NBEA: variants seen among roughly 807,000 people sequenced by gnomAD.
The protein encoded by NBEA is lysosomal-trafficking regulator 2.
Under a neutral mutation model 343.4 loss-of-function variants are expected in NBEA, and 44 were observed. The observed-to-expected ratio is 0.13, with a 90% CI of 0.10 to 0.16. The LOEUF (loss-of-function observed/expected upper bound fraction) is 0.16. Among genes scored for constraint, NBEA ranks in the 10% least tolerant of loss-of-function variants. The pLI is 1.00. For synonymous variants in NBEA, 1,175 were observed against 1,238.7 expected (o/e 0.95, Z 1.08); for missense variants, 2,555 against 3,631.3 (o/e 0.70, Z 7.62).
chr13:35,382,101 G>A (rs1392487647), intron 38 of NBEA, among the ~76,000 whole-genome samples: 1 of 152,096 alleles, frequency 6.6e-6, no homozygotes, highest in African/African-American at 2.4e-5. Flanking sequence ...GTACCTCTGA[G>A]TGATGAATGT....
intron 34 of NBEA, among the ~76,000 whole-genome samples, chr13:35,244,976 A>G (rs1231923473): frequency 6.6e-6 from 1 of 151,994 alleles, no homozygotes; most frequent in Non-Finnish European, 1.5e-5. Flanking sequence ...TGCTGAATTC[A>G]TTTATCAGTT....
At chr13:35,093,315 CAAAAAA>C (rs34323263) in intron 10 of NBEA, among the ~76,000 whole-genome samples, 4 of 141,322 alleles carry the variant, frequency 2.8e-5, no homozygotes, top group Non-Finnish European at 6.2e-5. Context: ...ACTGGTACAC[CAAAAAA>C]AAAAAAAAGA....
At chr13:35,210,277 AGT>A (rs560748566) in intron 32 of NBEA, among the ~76,000 whole-genome samples, 47 of 149,870 alleles carry the variant, frequency 3.1e-4, no homozygotes, top group Middle Eastern at 3.5e-3. Flanking sequence ...ACTTCTTAAA[AGT>A]GTGTGTGTGT....
At chr13:34,960,562 A>G (rs1055419474) in intron 1 of NBEA, among the ~76,000 whole-genome samples, 1 of 152,094 alleles carries the variant, frequency 6.6e-6, no homozygotes, top group Non-Finnish European at 1.5e-5. Flanking sequence ...CATTCATGTT[A>G]AGTGTTCTCT....
intron 34 of NBEA, among the ~76,000 whole-genome samples, chr13:35,280,527 T>C (rs1475373098): frequency 6.6e-6 from 1 of 152,138 alleles, no homozygotes; most frequent in Non-Finnish European, 1.5e-5. Context: ...ATTACATTAA[T>C]AGCATCATTT....
intron 1 of NBEA, among the ~76,000 whole-genome samples, chr13:34,959,997 A>G (rs887936309): frequency 6.7e-6 from 1 of 150,082 alleles, no homozygotes; most frequent in Admixed American, 6.6e-5. Context: ...CTCAAGCTTA[A>G]AAAAAAAGTT....
rs201463728 is a variant in NBEA, at chr13:35,195,932, G to A, written c.4996G>A (p.Val1666Ile). Residue 1666 changes from valine (V) to isoleucine (I), a missense_variant, in exon 31 of 59, where the codon GTA becomes ATA. Physicochemically the swap from Val to Ile is conservative, Grantham distance 29 (BLOSUM62 3). Coordinates refer to ENST00000379939, the MANE Select transcript of NBEA (RefSeq NM_001385012.1). The part of the protein sequence containing the change: ...ETPTPGEDIQ[V>I]ESSIPHTDSG... ...ACCAACTCCTGGTGAAGATATTCAG[G>A]TAGAAAGTTCAATTCCCCATACAGA... 1,783 of 1,613,418 alleles carry A rather than the reference G, an allele frequency of 1.1e-3. 1 individual carries two copies. The highest frequency in any genetic ancestry group is 1.4e-3 in the Non-Finnish European group (1,688 of 1,179,626).
At chr13:35,215,644 T>TA (rs1282564274) in intron 33 of NBEA, among the ~76,000 whole-genome samples, 2 of 151,200 alleles carry the variant, frequency 1.3e-5, no homozygotes, top group African/African-American at 4.9e-5. Flanking sequence ...TCTTGCCACT[T>TA]ACTTTTAGTA....
chr13:35,428,678 A>G (rs1477256440), intron 38 of NBEA, among the ~76,000 whole-genome samples: 1 of 152,080 alleles, frequency 6.6e-6, no homozygotes, highest in Non-Finnish European at 1.5e-5. Flanking sequence ...ATTTTCAATC[A>G]TGGCTCTTTT....
chr13:35,158,406 T>G (rs1009304122), intron 21 of NBEA, among the ~76,000 whole-genome samples: 2 of 152,018 alleles, frequency 1.3e-5, no homozygotes, highest in African/African-American at 4.8e-5. Context: ...TTAACAAATT[T>G]GAAAATAGCA....
At chr13:35,560,321 A>G (rs1244612435) in intron 44 of NBEA, among the ~76,000 whole-genome samples, 1 of 152,206 alleles carries the variant, frequency 6.6e-6, no homozygotes, top group Admixed American at 6.5e-5. Context: ...TTTAAAACCT[A>G]AATAATTAAT....
At chr13:35,109,022 T>A (rs1236782403) in intron 11 of NBEA, among the ~76,000 whole-genome samples, 1 of 152,164 alleles carries the variant, frequency 6.6e-6, no homozygotes, top group African/African-American at 2.4e-5. Flanking sequence ...AACATTTCAT[T>A]TCTTTAGCTA....
At chr13:35,274,252 A>C (rs2034414487) in intron 34 of NBEA, among the ~76,000 whole-genome samples, 1 of 152,246 alleles carries the variant, frequency 6.6e-6, no homozygotes, top group Non-Finnish European at 1.5e-5. Flanking sequence ...AACAGAACCA[A>C]TGACAAAAAC....
At chr13:35,529,763 G>C (rs1031016382) in intron 41 of NBEA, among the ~76,000 whole-genome samples, 1 of 152,072 alleles carries the variant, frequency 6.6e-6, no homozygotes, top group Non-Finnish European at 1.5e-5. Flanking sequence ...GTCCTCAGTG[G>C]GTTGTATTTA....
intron 34 of NBEA, among the ~76,000 whole-genome samples, chr13:35,271,524 A>G (rs777712008): frequency 8.5e-5 from 13 of 152,228 alleles, no homozygotes; most frequent in Non-Finnish European, 1.2e-4. Context: ...AGTTGACAGA[A>G]GTAGGCTTCA....
rs771005605 is a variant in NBEA at position 35,159,223 on chromosome 13, T to G, written c.3052T>G (p.Tyr1018Asp). Residue 1018 changes from tyrosine to aspartate, a missense_variant, in exon 22 of 59, where the codon TAC becomes GAC. Physicochemically the swap from Tyr to Asp is radical, Grantham distance 160. Around this residue, in one of 21 missense-constraint regions of NBEA, gnomAD observed 367 missense variants for 377.5 expected, o/e 0.97. Transcript: ENST00000379939. ...QSQSPESETD[Y>D]PVSTDTRDLL... ...CCAGAGCCCAGAAAGTGAGACCGAT[T>G]ACCCTGTCAGCACAGATACTCGAGA... 1 of 1,613,534 alleles carries G rather than the reference T, an allele frequency of 6.2e-7. No individual in the cohort carries two copies. The highest frequency in any genetic ancestry group is 2.2e-5 in the East Asian group (1 of 44,844).
At chr13:35,131,916 T>G (rs2067451328) in intron 17 of NBEA, among the ~76,000 whole-genome samples, 1 of 152,126 alleles carries the variant, frequency 6.6e-6, no homozygotes, top group South Asian at 2.1e-4. Flanking sequence ...AACTAATCCC[T>G]GAGTCAAAAA....
intron 46 of NBEA, among the ~76,000 whole-genome samples, chr13:35,589,482 A>G (rs1372044086): frequency 6.6e-6 from 1 of 152,052 alleles, no homozygotes; most frequent in African/African-American, 2.4e-5. Context: ...TTTCTTTGCT[A>G]TAGTTATGTC....
chr13:35,654,073 C>T (rs2084687495), intron 53 of NBEA, among the ~76,000 whole-genome samples: 1 of 152,190 alleles, frequency 6.6e-6, no homozygotes, highest in Non-Finnish European at 1.5e-5. Context: ...ATCTGCATTT[C>T]TGTTTAAGAA....
Sources: allele counts gnomAD v4.1 joint callset (sites outside exome capture counted in the v4.1 genomes callset), GRCh38; gene constraint gnomAD v4.1.1; regional missense constraint gnomAD v4.1.1; transcripts MANE v1.5; gene names NCBI Gene and HGNC (gene_info 2026-07-23, HGNC 2026-07-21).